Variants in BICDL1 observed in about 807,000 individuals in gnomAD.
BICDL1 encodes the protein BICD family like cargo adaptor 1, also known as BICD family-like cargo adapter 1.
In BICDL1, 20 loss-of-function variants were observed where a neutral mutation model predicts 76.8. The ratio of observed to expected loss-of-function variants is 0.26; its 90% confidence interval spans 0.18 to 0.38. The LOEUF is 0.38. Among genes scored for constraint, BICDL1 ranks in the 10% least tolerant of loss-of-function variants. BICDL1 has a pLI of 1.00. For missense variants in BICDL1, 700 were observed against 798.6 expected (o/e 0.88, Z 1.49); for synonymous variants, 383 against 337.1 (o/e 1.14, Z -1.49).
intron 4 of BICDL1, among the ~76,000 whole-genome samples, chr12:120,068,042 C>G (rs1365167236): frequency 6.6e-6 from 1 of 152,182 alleles, no homozygotes; most frequent in Non-Finnish European, 1.5e-5. Flanking sequence ...GTGCCATTAG[C>G]CAATCATTTC....
intron 2 of BICDL1, among the ~76,000 whole-genome samples, chr12:120,037,355 T>C (rs1195873104): frequency 2.6e-5 from 4 of 152,186 alleles, no homozygotes; most frequent in Non-Finnish European, 4.4e-5. Flanking sequence ...TTGCTTGAAA[T>C]AATTTTTCTG....
chr12:119,989,318 C>G lies in BICDL1; in HGVS notation c.-551C>G, dbSNP rs1041182649. 6.6e-6 allele frequency among the ~76,000 whole-genome samples: 1 copy of G among 150,700 alleles called. No homozygotes were observed. The highest frequency in any genetic ancestry group is 2.4e-5 in the African/African-American group (1 of 41,238). On this transcript the variant is annotated 5_prime_UTR_variant, in exon 1 of 10. Coordinates refer to ENST00000548673, the MANE Select transcript of BICDL1 (RefSeq NM_001367886.1). Reference sequence around the variant, plus strand: ...GCAGCAGCAGCAGCCGCCGTCGCCGCCGCTGCTGCTGGGGCTGCCGCGGAG... The same window carrying G: ...GCAGCAGCAGCAGCCGCCGTCGCCGGCGCTGCTGCTGGGGCTGCCGCGGAG...
chr12:120,054,964 C>T (rs1261483337), intron 2 of BICDL1, among the ~76,000 whole-genome samples: 2 of 152,126 alleles, frequency 1.3e-5, no homozygotes, highest in East Asian at 3.8e-4. Flanking sequence ...ATTGTACACA[C>T]ACATATATGT....
At chr12:120,088,838 TG>T (rs767031754) in intron 8 of BICDL1, among the ~76,000 whole-genome samples, 6 of 151,816 alleles carry the variant, frequency 4.0e-5, no homozygotes, top group Non-Finnish European at 5.9e-5. Context: ...GGCTAATTTT[TG>T]GTATTTTTAG....
intron 2 of BICDL1, among the ~76,000 whole-genome samples, chr12:120,061,210 AATCTT>A (rs1440352563): frequency 7.2e-5 from 11 of 152,224 alleles, no homozygotes; most frequent in African/African-American, 2.2e-4. Context: ...AGTGGCAAAA[AATCTT>A]AACAGGTATG....
rs77018947 is a variant in BICDL1, at chr12:120,032,663, C to T, written c.646-29047C>T. On this transcript the variant is annotated intron_variant, in intron 2 of 9. Coordinates refer to ENST00000548673, the MANE Select transcript of BICDL1 (RefSeq NM_001367886.1). ...AAATAATTTAAAAACATCATATTTCCACCTTCCAGAGATTGCTACTGAAAA... is the reference window on the plus strand; with the variant it reads ...AAATAATTTAAAAACATCATATTTCTACCTTCCAGAGATTGCTACTGAAAA... 1.6e-3 allele frequency among the ~76,000 whole-genome samples: 245 copies of T among 152,078 alleles called. 4 individuals are homozygous for T. In the East Asian group the frequency reaches 0.044, roughly 27 times the overall value.
At chr12:120,084,126 C>T (rs979576637) in intron 8 of BICDL1, among the ~76,000 whole-genome samples, 12 of 152,136 alleles carry the variant, frequency 7.9e-5, no homozygotes, top group African/African-American at 2.7e-4. Context: ...CCTCAGCCTC[C>T]CGAGTAGCTG....
At chr12:120,005,894 T>C (rs1051559861) in intron 2 of BICDL1, among the ~76,000 whole-genome samples, 1 of 152,202 alleles carries the variant, frequency 6.6e-6, no homozygotes, top group Non-Finnish European at 1.5e-5. Flanking sequence ...GTTCATACAT[T>C]TTTGCACTCT....
At chr12:120,089,416 GCT>G (rs1874764239) in intron 8 of BICDL1, among the ~76,000 whole-genome samples, 1 of 151,814 alleles carries the variant, frequency 6.6e-6, no homozygotes, top group South Asian at 2.1e-4. Context: ...ACGGAGTTCT[GCT>G]CTTTTTGCCC....
At chr12:120,017,455 G>A (rs558708061) in intron 2 of BICDL1, among the ~76,000 whole-genome samples, 21 of 152,284 alleles carry the variant, frequency 1.4e-4, no homozygotes, top group African/African-American at 5.1e-4. Flanking sequence ...ATGGAGACCT[G>A]CCTCATAAAG....
intron 2 of BICDL1, among the ~76,000 whole-genome samples, chr12:120,003,753 A>T (rs1451561049): frequency 1.3e-5 from 2 of 152,216 alleles, no homozygotes; most frequent in Non-Finnish European, 2.9e-5. Flanking sequence ...TTTGCATTGC[A>T]CTGTGCTTCT....
At chr12:120,000,415 C>T (rs1390240099) in intron 2 of BICDL1, 2 of 152,184 alleles carry the variant, frequency 1.3e-5, no homozygotes, top group South Asian at 2.1e-4. Flanking sequence ...GGAATGGAAT[C>T]TCTATCCTTG....
In BICDL1 at chr12:119,989,930, C is replaced by T. The variant is rs1951477755; in HGVS notation, c.62C>T (p.Ala21Val). 5 of 1,470,870 alleles carry T rather than the reference C, an allele frequency of 3.4e-6. No individual in the cohort carries two copies. Among genetic ancestry groups the T allele is most frequent in the African/African-American group, 3.0e-5 (2 of 67,202 alleles). The allele number at this position is 1,470,870 out of a possible 1,614,324, so 91.1% of individuals were successfully genotyped here. The change falls in exon 1 of 10, where the codon GCC (alanine) becomes GTC (valine). Residue 21 changes from alanine to valine, a missense_variant. Physicochemically the swap from Ala to Val is moderately conservative, Grantham distance 64 (BLOSUM62 0). Around this residue, in one of 3 missense-constraint regions of BICDL1, gnomAD observed 225 missense variants for 199.6 expected, o/e 1.13. Coordinates refer to ENST00000548673, the MANE Select transcript of BICDL1 (RefSeq NM_001367886.1). Reference sequence around the variant, plus strand: ...TCAGCACCCGCCGAGCCGGACAGCGCCTGCTGCATGGAGCTGCCCGCCGCG... The same window carrying T: ...TCAGCACCCGCCGAGCCGGACAGCGTCTGCTGCATGGAGCTGCCCGCCGCG... ...RASAPAEPDSACCMELPAAAG... is the reference protein window; with the variant it reads ...RASAPAEPDSVCCMELPAAAG...
At chr12:120,040,625 A>G (rs551559304) in intron 2 of BICDL1, among the ~76,000 whole-genome samples, 2 of 152,180 alleles carry the variant, frequency 1.3e-5, no homozygotes, top group East Asian at 3.9e-4. Context: ...CATGTTGCCC[A>G]GGTTGGTCTT....
At chr12:120,091,193 A>C in intron 9 of BICDL1, 1 of 1,196,546 alleles carries the variant, frequency 8.4e-7, no homozygotes, top group Non-Finnish European at 1.1e-6. Flanking sequence ...GCGTCCAGTG[A>C]GCTCTTCAGC....
At position 120,093,377 on chromosome 12, in the gene BICDL1, C is replaced by T. The variant is rs939218205; in HGVS notation, c.*216C>T. On this transcript the variant is annotated 3_prime_UTR_variant, in exon 10 of 10. Coordinates refer to ENST00000548673, the MANE Select transcript of BICDL1 (RefSeq NM_001367886.1). ...CCACTGAAGGCTTCCCTTGGCCCAC[C>T]GCCTGGCCAAGCCCACGCCTGGGCT... is the stretch of plus-strand genomic sequence containing the variant. The T allele has an allele frequency of 9.4e-5, 56 of 593,678 alleles. 1 individual carries two copies. Among genetic ancestry groups the T allele is most frequent in the Non-Finnish European group, 1.5e-4 (50 of 343,100 alleles). The allele number at this position is 593,678 out of a possible 1,614,324, so 36.8% of individuals were successfully genotyped here.
chr12:119,989,959 G>C lies in BICDL1; in HGVS notation c.91G>C (p.Gly31Arg), dbSNP rs775079761. Residue 31 changes from glycine (G) to arginine (R), a missense_variant, in exon 1 of 10, where the codon GGG (glycine) becomes CGG (arginine). By Grantham distance (125) the Gly-to-Arg change is moderately radical (BLOSUM62 -2). Coordinates refer to ENST00000548673, the MANE Select transcript of BICDL1 (RefSeq NM_001367886.1). ...CTGCATGGAGCTGCCCGCCGCGGCC[G>C]GGGACGCAGTCCGGAGTCCCGCCGC... ...ACCMELPAAA[G>R]DAVRSPAAAA... 15 of 1,464,280 alleles carry C rather than the reference G, an allele frequency of 1.0e-5. No homozygotes were observed. The African/African-American group carries it at 1.5e-4, about 15-fold the overall frequency. The allele number at this position is 1,464,280 out of a possible 1,614,324, so 90.7% of individuals were successfully genotyped here. A position where few individuals can be genotyped will look rare whatever the true frequency, so the allele number is the denominator to read the frequency against.
chr12:119,991,519 T>A (rs1951522967), intron 1 of BICDL1, among the ~76,000 whole-genome samples: 1 of 152,214 alleles, frequency 6.6e-6, no homozygotes, highest in African/African-American at 2.4e-5. Context: ...TGAAAAGTCG[T>A]TTGTGAAACC....
At chr12:120,074,406 T>C in intron 6 of BICDL1, 37 bp from the exon 7 acceptor site, 3 of 1,136,056 alleles carry the variant, frequency 2.6e-6, no homozygotes, top group South Asian at 3.6e-5. Flanking sequence ...CCTGTACCCT[T>C]ACCATATCTG....
Sources: gnomAD v4.1 joint callset for allele counts (sites outside exome capture counted in the v4.1 genomes callset) on GRCh38, gnomAD v4.1.1 for gene constraint, gnomAD v4.1.1 regional missense constraint, MANE v1.5 for transcripts, NCBI Gene and HGNC (gene_info 2026-07-23, HGNC 2026-07-21) for gene names.